The following RIPOR2 variants were observed in gnomAD, a reference collection of about 807,000 sequenced individuals.
RIPOR2 encodes the protein RHO family interacting cell polarization regulator 2, also known as rho family-interacting cell polarization regulator 2.
In RIPOR2, 39 loss-of-function variants were observed where a neutral mutation model predicts 114.5. That is an observed-to-expected ratio of 0.34 (90% CI 0.26 to 0.44). RIPOR2 has a LOEUF of 0.44. RIPOR2 is among the 20% of genes least tolerant of loss of function. The pLI, the probability that RIPOR2 is intolerant of heterozygous loss-of-function variation, is 1.00. For missense variants in RIPOR2, 1,007 were observed against 1,255.1 expected (o/e 0.80, Z 2.99); for synonymous variants, 445 against 484.4 (o/e 0.92, Z 1.07).
intron 1 of RIPOR2, among the ~76,000 whole-genome samples, chr6:25,005,258 A>T (rs1315448805): frequency 6.6e-5 from 10 of 152,038 alleles, no homozygotes; most frequent in African/African-American, 2.4e-4. Context: ...TACGAGGCTG[A>T]CTCTGACCGG....
rs572093028 is a variant in RIPOR2 at position 24,818,442 on chromosome 6, A to G, written c.2952+100T>C. 8.1e-5 allele frequency: 48 copies of G among 594,726 alleles called. No individual in the cohort carries two copies. In the South Asian group the frequency reaches 1.6e-3, roughly 19 times the overall value. The allele number at this position is 594,726 out of a possible 1,614,324, so 36.8% of individuals were successfully genotyped here. The stretch of plus-strand genomic sequence containing the variant: ...TGCAAAGAAGACAAGAAATACTGCT[A>G]AAAAAGTACTTTCAAACATGAAAGA... On this transcript the variant is annotated intron_variant, in intron 20 of 21. Transcript: ENST00000643898.
intron 2 of RIPOR2, among the ~76,000 whole-genome samples, chr6:24,875,100 G>A (rs180839983): frequency 1.3e-5 from 2 of 152,358 alleles, no homozygotes; most frequent in East Asian, 1.9e-4. Flanking sequence ...CCATCACCGT[G>A]TGCACAAATG....
chr6:24,824,635 T>TC (rs1002669710), intron 19 of RIPOR2, among the ~76,000 whole-genome samples: 1 of 152,206 alleles, frequency 6.6e-6, no homozygotes. Flanking sequence ...AATTACCTCT[T>TC]CCCTGGAAGT....
intron 1 of RIPOR2, among the ~76,000 whole-genome samples, chr6:24,981,549 G>A (rs563246355): frequency 2.0e-5 from 3 of 152,306 alleles, no homozygotes; most frequent in East Asian, 1.9e-4. Flanking sequence ...CTCTGGTTCC[G>A]GAACTGGGAG....
upstream of RIPOR2, among the ~76,000 whole-genome samples, chr6:24,940,240 C>T (rs755032088): frequency 3.0e-4 from 45 of 152,136 alleles, no homozygotes; most frequent in Non-Finnish European, 5.4e-4. Context: ...ACCTGTGAAG[C>T]GTGTACAGGA....
chr6:24,852,687 G>A (rs917860663), intron 8 of RIPOR2, 69 bp from the exon 9 acceptor site: 61 of 1,165,984 alleles, frequency 5.2e-5, no homozygotes, highest in Non-Finnish European at 6.4e-5. Flanking sequence ...ATACTGGCAC[G>A]TTAAAAAGAA....
chr6:25,023,762 T>C, intron 1 of RIPOR2: 2 of 801,988 alleles, frequency 2.5e-6, no homozygotes, highest in Non-Finnish European at 4.4e-6. Context: ...GGAGGTCGGG[T>C]GGGTGGAGCC....
chr6:24,909,705 G>C (rs1056903874), intron 1 of RIPOR2, among the ~76,000 whole-genome samples: 2 of 152,260 alleles, frequency 1.3e-5, no homozygotes, highest in South Asian at 2.1e-4. Flanking sequence ...GCGTGTGGAC[G>C]TAAGAGGGTA....
chr6:24,869,516 C>G (rs1283014022), intron 5 of RIPOR2, among the ~76,000 whole-genome samples: 2 of 151,994 alleles, frequency 1.3e-5, no homozygotes, highest in Non-Finnish European at 2.9e-5. Context: ...CGGGGTTTCT[C>G]CATGTTGACC....
intron 1 of RIPOR2, among the ~76,000 whole-genome samples, chr6:24,905,433 A>G (rs1469623718): frequency 1.3e-5 from 2 of 152,172 alleles, no homozygotes; most frequent in Non-Finnish European, 2.9e-5. Context: ...TACAGATCAA[A>G]TTGGCTAAAA....
chr6:24,901,919 G>A (rs1329782687), intron 1 of RIPOR2, among the ~76,000 whole-genome samples: 1 of 152,194 alleles, frequency 6.6e-6, no homozygotes, highest in Admixed American at 6.5e-5. Context: ...GTTTAAATGA[G>A]ACCATGGTTG....
intron 1 of RIPOR2, among the ~76,000 whole-genome samples, chr6:24,973,265 A>G (rs920501972): frequency 6.6e-6 from 1 of 152,172 alleles, no homozygotes; most frequent in African/African-American, 2.4e-5. Flanking sequence ...GTAGAACAAC[A>G]TTCGACCCAG....
chr6:24,896,460 A>G (rs113241098), intron 1 of RIPOR2, among the ~76,000 whole-genome samples: 1,654 of 152,320 alleles, frequency 0.011, 15 homozygotes, highest in Non-Finnish European at 0.016. Flanking sequence ...AAAACTTCAA[A>G]GGAGGTTGAT....
chr6:24,825,130 A>G (rs1760040928), intron 19 of RIPOR2, 96 bp downstream of exon 19: 2 of 933,530 alleles, frequency 2.1e-6, no homozygotes, highest in Admixed American at 5.6e-5. Flanking sequence ...ACGCAGAAAA[A>G]TTATTTTTAT....
intron 1 of RIPOR2, among the ~76,000 whole-genome samples, chr6:25,014,522 A>AGG (rs1775892136): frequency 6.6e-6 from 1 of 152,234 alleles, no homozygotes; most frequent in African/African-American, 2.4e-5. Flanking sequence ...TTCTGGAAAC[A>AGG]GGGTTGGCAT....
chr6:24,850,560 G>C lies in RIPOR2; in HGVS notation c.885+37C>G, dbSNP rs765634808. The C allele has an allele frequency of 9.1e-5, 146 of 1,612,430 alleles. 1 individual carries two copies. The highest frequency in any genetic ancestry group is 3.3e-4 in the Middle Eastern group (2 of 6,084). ...CCCACCAATGGATCATCCAGCCGTG[G>C]CACCAGGAAAGACAACAGGCAATGA... On this transcript the variant is annotated intron_variant, in intron 10 of 21. Transcript: ENST00000643898.
chr6:25,012,876 T>C (rs1775828319), intron 1 of RIPOR2, among the ~76,000 whole-genome samples: 1 of 152,154 alleles, frequency 6.6e-6, no homozygotes, highest in African/African-American at 2.4e-5. Flanking sequence ...TCAAATTTTA[T>C]GGTATATGAA....
intron 13 of RIPOR2, chr6:24,840,192 C>G: frequency 1.0e-6 from 1 of 972,028 alleles, no homozygotes; most frequent in Non-Finnish European, 1.2e-6. Flanking sequence ...CTCCAGCAAT[C>G]CTGGGCTTCC....
intron 1 of RIPOR2, among the ~76,000 whole-genome samples, chr6:25,034,092 T>TA (rs1561857542): frequency 8.7e-5 from 13 of 149,594 alleles, no homozygotes; most frequent in African/African-American, 2.2e-4. Flanking sequence ...CAAAAAGGTT[T>TA]TATATATATA....
Sources: allele counts gnomAD v4.1 joint callset (sites outside exome capture counted in the v4.1 genomes callset), GRCh38; gene constraint gnomAD v4.1.1; transcripts MANE v1.5; gene names NCBI Gene and HGNC (gene_info 2026-07-23, HGNC 2026-07-21).